RIMS1: variants seen among roughly 807,000 people sequenced by gnomAD.
RIMS1 encodes the protein regulating synaptic membrane exocytosis protein 1.
In RIMS1, 83 loss-of-function variants were observed where a neutral mutation model predicts 214.1. That is an observed-to-expected ratio of 0.39 (90% CI 0.32 to 0.47). The LOEUF is 0.47. Ranked by LOEUF, RIMS1 falls within the 20% of genes least tolerant of loss-of-function variation. The pLI is 0.99. For synonymous variants in RIMS1, 793 were observed against 786.8 expected (o/e 1.01, Z -0.13); for missense variants, 2,050 against 2,161.8 (o/e 0.95, Z 1.03).
chr6:72,241,891 T>C (rs977958834), intron 9 of RIMS1, among the ~76,000 whole-genome samples: 2 of 152,186 alleles, frequency 1.3e-5, no homozygotes, highest in Non-Finnish European at 2.9e-5. Flanking sequence ...AAAACAGGAT[T>C]TATGCACAGT....
At chr6:72,063,369 G>A (rs540475960) in intron 2 of RIMS1, among the ~76,000 whole-genome samples, 16 of 152,186 alleles carry the variant, frequency 1.1e-4, no homozygotes, top group Non-Finnish European at 1.8e-4. Flanking sequence ...GGAAGGGAAC[G>A]TGGGAGGGAC....
chr6:72,107,719 C>T (rs1467649973), intron 4 of RIMS1, among the ~76,000 whole-genome samples: 1 of 152,062 alleles, frequency 6.6e-6, no homozygotes, highest in Non-Finnish European at 1.5e-5. Context: ...AAGACATTTA[C>T]ACAAAATATA....
chr6:72,345,104 G>A (rs1008646551), intron 29 of RIMS1, among the ~76,000 whole-genome samples: 2 of 151,646 alleles, frequency 1.3e-5, no homozygotes, highest in African/African-American at 2.4e-5. Flanking sequence ...AACATTTCAG[G>A]CAGCTAAAGA....
chr6:72,152,080 G>A (rs1036461989), intron 4 of RIMS1, among the ~76,000 whole-genome samples: 29 of 152,018 alleles, frequency 1.9e-4, no homozygotes, highest in African/African-American at 5.1e-4. Flanking sequence ...TCTCCCCCAC[G>A]ATCCAAACCC....
At chr6:72,195,684 T>A (rs968810031) in intron 6 of RIMS1, among the ~76,000 whole-genome samples, 12 of 152,096 alleles carry the variant, frequency 7.9e-5, no homozygotes, top group African/African-American at 2.9e-4. Flanking sequence ...GGGAGTATCC[T>A]CTTTGGGCTT....
chr6:72,367,548 A>C (rs1469821235), intron 29 of RIMS1, among the ~76,000 whole-genome samples: 1 of 152,148 alleles, frequency 6.6e-6, no homozygotes. Context: ...CTTTCAGAAA[A>C]AGTGTGGGTA....
intron 9 of RIMS1, among the ~76,000 whole-genome samples, chr6:72,241,349 G>A (rs529794748): frequency 8.7e-4 from 132 of 152,242 alleles, no homozygotes; most frequent in African/African-American, 3.1e-3. Flanking sequence ...TCAGTGCATC[G>A]AGGTTGAAAT....
At position 72,028,634 on chromosome 6, in the gene RIMS1, T is replaced by C. The variant is rs1434169442; in HGVS notation, c.245+59571T>C. Among the ~76,000 whole-genome samples, 4 of 152,190 alleles carry C rather than the reference T, an allele frequency of 2.6e-5. No homozygotes were observed. In the East Asian group the frequency reaches 7.7e-4, roughly 29 times the overall value. On this transcript the variant is annotated intron_variant, in intron 2 of 33. Coordinates refer to ENST00000521978, the MANE Select transcript of RIMS1 (RefSeq NM_014989.7). ...CACACCTTTCTACCAAACTCCCTGC[T>C]AAAAAGACAAACGAAAGCATGGATG... is the stretch of plus-strand genomic sequence containing the variant.
chr6:72,348,870 G>A (rs1168090753), intron 29 of RIMS1, among the ~76,000 whole-genome samples: 2 of 151,834 alleles, frequency 1.3e-5, no homozygotes, highest in Admixed American at 1.3e-4. Context: ...AAATAATAAT[G>A]ATTGATAAAG....
chr6:71,969,333 T>C (rs957928663), intron 2 of RIMS1, among the ~76,000 whole-genome samples: 18 of 143,472 alleles, frequency 1.3e-4, no homozygotes, highest in Non-Finnish European at 2.7e-4. Flanking sequence ...AATTCTTTTT[T>C]GTTTGTTTGA....
chr6:72,326,468 G>A (rs2096468781), intron 28 of RIMS1, among the ~76,000 whole-genome samples: 1 of 151,696 alleles, frequency 6.6e-6, no homozygotes, highest in African/African-American at 2.4e-5. Flanking sequence ...GTAAGCTTCT[G>A]ATGCTTTAAT....
Position 72,271,281 on chromosome 6 carries a change from AAAAAAATATAT to A in RIMS1, c.3399-3066_3399-3056del, listed in dbSNP as rs1304580897. Among the ~76,000 whole-genome samples the A allele has an allele frequency of 0.011, 768 of 68,212 alleles. 14 individuals carry two copies. In the East Asian group the frequency reaches 0.19, roughly 17 times the overall value. 44.7% of individuals were successfully genotyped at this position (68,212 alleles called of 152,430 possible). A position where few individuals can be genotyped will look rare whatever the true frequency, so the allele number is the denominator to read the frequency against. ...ACTCCATCTCAAGGAAAAAAAAAAA[AAAAAAATATAT>A]ATATATATATATATATATATATATG... On this transcript the variant is annotated intron_variant, in intron 22 of 33. Coordinates refer to ENST00000521978, the MANE Select transcript of RIMS1 (RefSeq NM_014989.7).
At chr6:72,381,106 C>T (rs964555735) in intron 29 of RIMS1, among the ~76,000 whole-genome samples, 1 of 152,150 alleles carries the variant, frequency 6.6e-6, no homozygotes. Flanking sequence ...AGCTCATGAT[C>T]GATGTGTCAG....
chr6:72,390,750 G>T lies in RIMS1; in HGVS notation c.4505+14G>T, dbSNP rs1365821584. The T allele has an allele frequency of 1.9e-6, 3 of 1,613,100 alleles. 1 individual carries two copies. The South Asian group carries it at 3.3e-5, about 18-fold the overall frequency. ...CTCTGAGGGCAAGTAAGTGCTGTCA[G>T]CACGTCTGCATGGCTGTGGAACCAG... On this transcript the variant is annotated intron_variant, in intron 30 of 33. Coordinates refer to ENST00000521978, the MANE Select transcript of RIMS1 (RefSeq NM_014989.7).
chr6:72,199,969 A>G (rs777162119), intron 6 of RIMS1, among the ~76,000 whole-genome samples: 5 of 152,070 alleles, frequency 3.3e-5, no homozygotes, highest in Non-Finnish European at 1.5e-5. Flanking sequence ...ATATGAGGAG[A>G]AATCAATTAC....
intron 2 of RIMS1, among the ~76,000 whole-genome samples, chr6:72,033,177 G>T (rs1371126864): frequency 6.6e-6 from 1 of 152,156 alleles, no homozygotes; most frequent in Admixed American, 6.5e-5. Context: ...GTTCACCTTA[G>T]ATCTACAGTT....
At chr6:72,022,680 T>A (rs567375475) in intron 2 of RIMS1, among the ~76,000 whole-genome samples, 1 of 152,312 alleles carries the variant, frequency 6.6e-6, no homozygotes, top group South Asian at 2.1e-4. Flanking sequence ...GAAATTGGTT[T>A]GAGATTTTTG....
intron 2 of RIMS1, among the ~76,000 whole-genome samples, chr6:72,065,582 T>A (rs1047517839): frequency 6.6e-5 from 10 of 152,166 alleles, no homozygotes; most frequent in Non-Finnish European, 1.3e-4. Flanking sequence ...AATAATAGAA[T>A]AACAACAATA....
intron 6 of RIMS1, among the ~76,000 whole-genome samples, chr6:72,214,824 C>T (rs1323318766): frequency 2.6e-5 from 4 of 151,826 alleles, no homozygotes; most frequent in East Asian, 1.9e-4. Context: ...TGGGTTCAAG[C>T]GATTCTCCTG....
Sources: gnomAD v4.1 joint callset for allele counts (sites outside exome capture counted in the v4.1 genomes callset) on GRCh38, gnomAD v4.1.1 for gene constraint, MANE v1.5 for transcripts, NCBI Gene and HGNC (gene_info 2026-07-23, HGNC 2026-07-21) for gene names.